SLC2A11: variants seen among roughly 807,000 people sequenced by gnomAD.
The protein encoded by SLC2A11 is solute carrier family 2, facilitated glucose transporter member 11.
In SLC2A11, 43 loss-of-function variants were observed where a neutral mutation model predicts 52.1. The ratio of observed to expected loss-of-function variants is 0.82; its 90% confidence interval spans 0.65 to 1.06. The LOEUF is 1.06. Ranked by LOEUF, SLC2A11 falls within the 50% of genes least tolerant of loss-of-function variation. The probability of loss-of-function intolerance (pLI) is 0.00; values close to 1 mark genes in which losing one functional copy is unlikely to be tolerated. For missense variants in SLC2A11, 582 were observed against 654.2 expected, an observed-to-expected ratio of 0.89 and a Z score of 1.20; for synonymous variants, 261 against 277.6, an observed-to-expected ratio of 0.94 and a Z score of 0.59.
chr22:23,865,362 G>T (rs1225155880), intron 2 of SLC2A11: 1 of 152,268 alleles, frequency 6.6e-6, no homozygotes, highest in Non-Finnish European at 1.5e-5. Flanking sequence ...GTTGCAGTGA[G>T]CCAAGATTGC....
intron 3 of SLC2A11, among the ~76,000 whole-genome samples, chr22:23,874,442 A>G (rs897982673): frequency 7.0e-6 from 1 of 143,508 alleles, no homozygotes; most frequent in Non-Finnish European, 1.5e-5. Flanking sequence ...GTGCGCCATC[A>G]TGCATGGCTA....
chr22:23,860,848 ATTTT>A (rs150669541), intron 1 of SLC2A11, among the ~76,000 whole-genome samples: 31 of 131,390 alleles, frequency 2.4e-4, no homozygotes, highest in African/African-American at 8.5e-4. Context: ...CGCCCAGCTA[ATTTT>A]TTTTTTTTTT....
intron 1 of SLC2A11, among the ~76,000 whole-genome samples, chr22:23,861,752 C>G (rs560221434): frequency 1.3e-5 from 2 of 152,358 alleles, no homozygotes; most frequent in East Asian, 3.9e-4. Context: ...GAGCCTTACT[C>G]TACTGGGGCC....
intron 4 of SLC2A11, among the ~76,000 whole-genome samples, chr22:23,875,526 C>G (rs144941699): frequency 1.3e-5 from 2 of 152,308 alleles, no homozygotes; most frequent in East Asian, 3.9e-4. Context: ...GAGTAACACT[C>G]TAAGCCATGA....
intron 5 of SLC2A11, 172 bp downstream of exon 5, chr22:23,877,343 C>T (rs1363083506): frequency 9.4e-7 from 1 of 1,061,308 alleles, no homozygotes; most frequent in African/African-American, 1.6e-5. Flanking sequence ...GGGTATCAGT[C>T]AACACACTGC....
At chr22:23,859,310 T>G (rs946710166) in intron 1 of SLC2A11, among the ~76,000 whole-genome samples, 2 of 152,236 alleles carry the variant, frequency 1.3e-5, no homozygotes, top group African/African-American at 4.8e-5. Context: ...CCAGGGCCCC[T>G]GTCACCAACC....
chr22:23,875,391 G>A (rs2032586111), intron 4 of SLC2A11, 150 bp downstream of exon 4: 1 of 1,014,444 alleles, frequency 9.9e-7, no homozygotes, highest in Non-Finnish European at 1.3e-6. Context: ...AAAGGATGTA[G>A]TATAGTTTAT....
intron 5 of SLC2A11, 134 bp from the exon 6 acceptor site, chr22:23,877,587 A>G (rs1447777007): frequency 8.3e-7 from 1 of 1,201,692 alleles, no homozygotes; most frequent in Non-Finnish European, 1.2e-6. Flanking sequence ...TGATGTTCAG[A>G]CCCAGACTTG....
At chr22:23,868,179 A>G (rs1399341310) in intron 2 of SLC2A11, 2 of 440,666 alleles carry the variant, frequency 4.5e-6, no homozygotes, top group Non-Finnish European at 8.3e-6. Flanking sequence ...ATATCCACAC[A>G]TTTGCTGTCA....
chr22:23,864,702 A>G (rs1025497947), intron 2 of SLC2A11, among the ~76,000 whole-genome samples: 2 of 152,140 alleles, frequency 1.3e-5, no homozygotes, highest in Non-Finnish European at 2.9e-5. Flanking sequence ...CGGGCAGGGC[A>G]CTCTCAGACC....
At chr22:23,857,593 G>A (rs1193201861), upstream of SLC2A11, 29 of 1,336,344 alleles carry the variant, frequency 2.2e-5, no homozygotes, top group Middle Eastern at 9.8e-4. Context: ...CCCCCGCGGC[G>A]GCGACTCCCC....
In SLC2A11 at chr22:23,884,660, C is replaced by T. The variant is rs776163565; in HGVS notation, c.1311C>T (p.Ser437=). The T allele has an allele frequency of 1.9e-6, 3 of 1,612,780 alleles. No homozygotes were observed. Among genetic ancestry groups the T allele is most frequent in the Admixed American group, 1.7e-5 (1 of 59,680 alleles). ...TTTTTAATCCGCAGGAGGCCTTGTC[C>T]CACTTCCTCTATGTCCCTTTCCTTG... ...LGFPFIMEAL[S]HFLYVPFLGV... Residue 437 remains serine, a synonymous_variant, in exon 12 of 12, where the codon TCC becomes TCT. Transcript: ENST00000316185. This position sits in a 1 kb window ranked among gnomAD's most constrained non-coding sequence, Gnocchi z 4.3.
intron 1 of SLC2A11, among the ~76,000 whole-genome samples, chr22:23,858,455 C>T (rs948513502): frequency 2.6e-5 from 4 of 152,126 alleles, no homozygotes; most frequent in Non-Finnish European, 5.9e-5. Flanking sequence ...CAGAGGAGAG[C>T]GCCCGCACTG....
chr22:23,863,607 G>GT (rs1568985269), intron 2 of SLC2A11, among the ~76,000 whole-genome samples: 2 of 113,166 alleles, frequency 1.8e-5, no homozygotes, highest in Admixed American at 9.1e-5. Context: ...CTCTCTCTCT[G>GT]GTTTTTTTTT....
intron 6 of SLC2A11, 97 bp downstream of exon 6, chr22:23,877,966 G>A: frequency 7.2e-7 from 1 of 1,380,504 alleles, no homozygotes; most frequent in Non-Finnish European, 9.7e-7. Flanking sequence ...CATTTATCAA[G>A]GAAAAGCTAT....
chr22:23,856,965 G>T (rs371971417), upstream of SLC2A11: 531 of 1,611,104 alleles, frequency 3.3e-4, no homozygotes, highest in Non-Finnish European at 4.3e-4. Flanking sequence ...TGCCCAGGAC[G>T]CACAGATGAG....
rs143232312 is a variant in SLC2A11, at chr22:23,858,421, C to T, written c.30+392C>T. ...CCCTCAGCTCTGACCTGACGTCCTG[C>T]CTCACAGAGGGAAAGGGCGCAGCCA... On this transcript the variant is annotated intron_variant, in intron 1 of 11. Coordinates refer to ENST00000316185, the MANE Select transcript of SLC2A11 (RefSeq NM_001024939.4). 2.2e-3 allele frequency among the ~76,000 whole-genome samples: 335 copies of T among 152,266 alleles called. 1 individual carries two copies. Among genetic ancestry groups the T allele is most frequent in the South Asian group, 7.5e-3 (36 of 4,832 alleles).
rs528010828 is a variant in SLC2A11 at position 23,857,902 on chromosome 22, G to C, written c.-98G>C. On this transcript the variant is annotated 5_prime_UTR_variant, in exon 1 of 12. Coordinates refer to ENST00000316185, the MANE Select transcript of SLC2A11 (RefSeq NM_001024939.4). ...CTTTCACCACTGGGCGCTGCGCGCT[G>C]CCCTTCCCTCCGCGCACAGGCTGCC... 6.4e-7 allele frequency: 1 copy of C among 1,572,780 alleles called. No individual in the cohort carries two copies. The highest frequency in any genetic ancestry group is 2.4e-5 in the East Asian group (1 of 42,330).
chr22:23,877,146 G>A lies in SLC2A11; in HGVS notation c.520G>A (p.Val174Met), dbSNP rs373984794. ...AGCCATCTTTACGGCTCTGGGGATCGTGATGGGACAGGTGGTCGGACTCAG... is the reference window on the plus strand; with the variant it reads ...AGCCATCTTTACGGCTCTGGGGATCATGATGGGACAGGTGGTCGGACTCAG... ...SSAIFTALGI[V>M]MGQVVGLREL... Residue 174 changes from valine to methionine, a missense_variant, in exon 5 of 12, where the codon GTG becomes ATG. Physicochemically the swap from Val to Met is conservative, Grantham distance 21 (BLOSUM62 1). Coordinates refer to ENST00000316185, the MANE Select transcript of SLC2A11 (RefSeq NM_001024939.4). 25 of 1,612,724 alleles carry A rather than the reference G, an allele frequency of 1.6e-5. No individual in the cohort carries two copies. Among genetic ancestry groups the A allele is most frequent in the Middle Eastern group, 1.6e-4 (1 of 6,074 alleles).
Sources: gnomAD v4.1 joint callset for allele counts (sites outside exome capture counted in the v4.1 genomes callset) on GRCh38, gnomAD v4.1.1 for gene constraint, Gnocchi (gnomAD v3.1) non-coding constraint, MANE v1.5 for transcripts, NCBI Gene and HGNC (gene_info 2026-07-23, HGNC 2026-07-21) for gene names.